The following SNX29 variants were observed in gnomAD, a reference collection of about 807,000 sequenced individuals.
The protein encoded by SNX29 is sorting nexin 29.
Under a neutral mutation model 102.1 loss-of-function variants are expected in SNX29, and 78 were observed. That is an observed-to-expected ratio of 0.76 (90% CI 0.64 to 0.92). SNX29 has a LOEUF of 0.92. Ranked by LOEUF, SNX29 falls within the 40% of genes least tolerant of loss-of-function variation. The pLI is 0.00. For synonymous variants in SNX29, 580 were observed against 414.5 expected, an observed-to-expected ratio of 1.40 and a Z score of -4.85; for missense variants, 1,280 against 1,061.7, an observed-to-expected ratio of 1.21 and a Z score of -2.86.
intron 20 of SNX29, among the ~76,000 whole-genome samples, chr16:12,558,118 A>G (rs116704597): frequency 0.011 from 1,711 of 152,300 alleles, 32 homozygotes; most frequent in African/African-American, 0.038. Flanking sequence ...GAATTAGAAG[A>G]CCAGCAGCAT....
chr16:12,082,519 C>T (rs56259883), intron 11 of SNX29, among the ~76,000 whole-genome samples: 1 of 152,062 alleles, frequency 6.6e-6, no homozygotes, highest in Non-Finnish European at 1.5e-5. Flanking sequence ...TCGAGTTAGG[C>T]CAGTGACAGA....
At chr16:12,517,754 A>G (rs189257721) in intron 19 of SNX29, among the ~76,000 whole-genome samples, 2 of 152,242 alleles carry the variant, frequency 1.3e-5, no homozygotes, top group Admixed American at 6.5e-5. Flanking sequence ...GAATGAGACT[A>G]TCCCAGGAAG....
intron 11 of SNX29, chr16:12,086,754 C>T (rs2052216960): frequency 6.6e-6 from 1 of 151,884 alleles, no homozygotes; most frequent in Non-Finnish European, 1.5e-5. Context: ...TTCTTTTTAC[C>T]AGTTTAATTT....
At chr16:12,545,258 G>C (rs893682362) in intron 20 of SNX29, among the ~76,000 whole-genome samples, 7 of 152,242 alleles carry the variant, frequency 4.6e-5, no homozygotes, top group Non-Finnish European at 1.0e-4. Flanking sequence ...TGGCTCCAAA[G>C]AGTACTGTTG....
At chr16:12,494,308 G>A (rs13331689) in intron 19 of SNX29, among the ~76,000 whole-genome samples, 3,947 of 152,184 alleles carry the variant, frequency 0.026, 167 homozygotes, top group African/African-American at 0.089. Flanking sequence ...TCCCTTTGCA[G>A]CCCCCAAAGC....
intron 16 of SNX29, among the ~76,000 whole-genome samples, chr16:12,378,309 AAG>A (rs1370968819): frequency 1.3e-5 from 2 of 152,170 alleles, no homozygotes; most frequent in African/African-American, 4.8e-5. Flanking sequence ...GAGTGAAAGC[AAG>A]AGAGTGGGGA....
At chr16:12,140,013 A>G (rs1365467752) in intron 13 of SNX29, among the ~76,000 whole-genome samples, 2 of 149,468 alleles carry the variant, frequency 1.3e-5, no homozygotes, top group African/African-American at 2.4e-5. Flanking sequence ...AAGGAAAAGG[A>G]ATCTTACCAC....
At chr16:12,182,768 A>G (rs988179068) in intron 13 of SNX29, among the ~76,000 whole-genome samples, 21 of 151,802 alleles carry the variant, frequency 1.4e-4, no homozygotes, top group Non-Finnish European at 1.3e-4. Context: ...CATCTCTACT[A>G]GAAATGCAAA....
intron 15 of SNX29, among the ~76,000 whole-genome samples, chr16:12,335,881 AAGCT>A (rs1223041779): frequency 2.6e-5 from 4 of 151,856 alleles, no homozygotes. Flanking sequence ...CCACATGCTC[AAGCT>A]CATGTGGCTC....
intron 16 of SNX29, among the ~76,000 whole-genome samples, chr16:12,369,914 T>A (rs1248204188): frequency 6.6e-6 from 1 of 152,234 alleles, no homozygotes; most frequent in African/African-American, 2.4e-5. Context: ...TTTCTTCTTA[T>A]TTGAAAAAAT....
intron 20 of SNX29, among the ~76,000 whole-genome samples, chr16:12,543,845 A>C (rs890146519): frequency 1.3e-5 from 2 of 152,302 alleles, no homozygotes; most frequent in Non-Finnish European, 2.9e-5. Flanking sequence ...TGGAAGAGAG[A>C]AGCCAGTGGT....
intron 1 of SNX29, among the ~76,000 whole-genome samples, chr16:11,979,552 G>A (rs143731110): frequency 6.6e-6 from 1 of 152,148 alleles, no homozygotes; most frequent in East Asian, 1.9e-4. Flanking sequence ...TCTTTCTTCT[G>A]TTCCCCACTT....
intron 18 of SNX29, among the ~76,000 whole-genome samples, chr16:12,424,423 G>A (rs2084978271): frequency 1.3e-5 from 2 of 152,210 alleles, no homozygotes; most frequent in Admixed American, 6.5e-5. Context: ...TCTCTTGAAT[G>A]TGCTAATATC....
At chr16:12,427,158 G>T (rs900173365) in intron 18 of SNX29, among the ~76,000 whole-genome samples, 1 of 152,106 alleles carries the variant, frequency 6.6e-6, no homozygotes, top group East Asian at 1.9e-4. Flanking sequence ...CTTGGGGTCT[G>T]CAGAGCCTAG....
chr16:12,060,277 C>T (rs1197071629), intron 8 of SNX29, among the ~76,000 whole-genome samples: 1 of 152,098 alleles, frequency 6.6e-6, no homozygotes. Context: ...TGTGCTTATG[C>T]AAATACTACA....
At chr16:12,040,535 C>G (rs1474132625) in intron 4 of SNX29, among the ~76,000 whole-genome samples, 2 of 152,120 alleles carry the variant, frequency 1.3e-5, no homozygotes, top group Non-Finnish European at 2.9e-5. Context: ...AAATCTGTTC[C>G]TATCCTCAGA....
intron 16 of SNX29, chr16:12,367,276 G>A (rs907027812): frequency 3.3e-5 from 5 of 152,246 alleles, no homozygotes; most frequent in Non-Finnish European, 7.3e-5. Flanking sequence ...CCTGGAACAC[G>A]TAATCACTCA....
intron 19 of SNX29, among the ~76,000 whole-genome samples, chr16:12,510,748 A>G (rs1011768323): frequency 3.3e-5 from 5 of 151,598 alleles, no homozygotes; most frequent in Admixed American, 1.3e-4. Context: ...CCAGCTGTCC[A>G]GCCTGCAGTT....
chr16:12,211,557 GGTGTGTGTGTGT>G (rs112433222), intron 14 of SNX29, among the ~76,000 whole-genome samples: 2 of 151,452 alleles, frequency 1.3e-5, no homozygotes, highest in Non-Finnish European at 2.9e-5. Context: ...GACCAATAGG[GGTGTGTGTGTGT>G]GTGTCTGTGT....
Sources: allele counts gnomAD v4.1 joint callset (sites outside exome capture counted in the v4.1 genomes callset), GRCh38; gene constraint gnomAD v4.1.1; transcripts MANE v1.5; gene names NCBI Gene and HGNC (gene_info 2026-07-23, HGNC 2026-07-21).